The following MMP16 variants were observed in gnomAD, a reference collection of about 807,000 sequenced individuals.
MMP16 encodes matrix metallopeptidase 16.
MMP16 carries 12 observed loss-of-function variants against 67.8 expected under a neutral mutation model. The ratio of observed to expected loss-of-function variants is 0.18; its 90% CI spans 0.11 to 0.29. The LOEUF (loss-of-function observed/expected upper bound fraction) is 0.29, where lower values mean the gene tolerates loss of function less well. MMP16 is among the 10% of genes least tolerant of loss of function. The pLI is 1.00. For missense variants in MMP16, 475 were observed against 765.7 expected (o/e 0.62, Z 4.48); for synonymous variants, 249 against 255.9 (o/e 0.97, Z 0.26).
chr8:88,123,979 T>C (rs1807884547), intron 4 of MMP16, among the ~76,000 whole-genome samples: 1 of 151,928 alleles, frequency 6.6e-6, no homozygotes, highest in Non-Finnish European at 1.5e-5. Context: ...CCCTCAGTCC[T>C]TTCTCTAAAT....
intron 1 of MMP16, among the ~76,000 whole-genome samples, chr8:88,270,288 A>G (rs1810545065): frequency 3.9e-5 from 6 of 152,218 alleles, no homozygotes. Flanking sequence ...AAATCTTGAT[A>G]CTACAATCCC....
intron 1 of MMP16, among the ~76,000 whole-genome samples, chr8:88,237,312 T>A (rs566424253): frequency 1.3e-5 from 2 of 152,310 alleles, no homozygotes; most frequent in South Asian, 4.1e-4. Context: ...TAGGCTTAAG[T>A]AACAAGGCTG....
chr8:88,151,068 CTCTGATAA>C (rs1808397426), intron 4 of MMP16, among the ~76,000 whole-genome samples: 2 of 126,188 alleles, frequency 1.6e-5, no homozygotes, highest in South Asian at 6.1e-4. Flanking sequence ...CAATCCTAGT[CTCTGATAA>C]AACAGACTTT....
intron 1 of MMP16, among the ~76,000 whole-genome samples, chr8:88,248,802 A>AAG (rs1472263638): frequency 6.6e-6 from 1 of 151,992 alleles, no homozygotes; most frequent in Admixed American, 6.6e-5. Flanking sequence ...AAAAAAAAAA[A>AAG]AAAAAATTAC....
At chr8:88,274,314 A>G (rs1184764517) in intron 1 of MMP16, among the ~76,000 whole-genome samples, 2 of 152,136 alleles carry the variant, frequency 1.3e-5, no homozygotes, top group Non-Finnish European at 2.9e-5. Context: ...CTTCTAAGGG[A>G]GGGATTATAA....
At chr8:88,183,481 A>G (rs1809015190) in intron 3 of MMP16, among the ~76,000 whole-genome samples, 2 of 152,294 alleles carry the variant, frequency 1.3e-5, no homozygotes, top group South Asian at 2.1e-4. Flanking sequence ...ATAGAAATTT[A>G]TATAATCTGA....
chr8:88,095,372 G>A (rs976779305), intron 6 of MMP16, among the ~76,000 whole-genome samples: 7 of 151,482 alleles, frequency 4.6e-5, no homozygotes, highest in Admixed American at 2.0e-4. Flanking sequence ...TTTTGACTCC[G>A]ATCTCTGACT....
rs186911930 is a variant in MMP16 at position 88,095,350 on chromosome 8, C to T, written c.1084-20607G>A. 6.4e-4 allele frequency among the ~76,000 whole-genome samples: 97 copies of T among 151,604 alleles called. 1 individual carries two copies. The highest frequency in any genetic ancestry group is 5.6e-3 in the Admixed American group (85 of 15,180). ...TGGCATGTTAGAAAGTACTAAGAGT[C>T]CTGGATTCTGGTTTTGACTCCGATC... On this transcript the variant is annotated intron_variant, in intron 6 of 9. Coordinates refer to ENST00000286614, the MANE Select transcript of MMP16 (RefSeq NM_005941.5).
intron 1 of MMP16, among the ~76,000 whole-genome samples, chr8:88,292,303 G>T (rs1810937928): frequency 6.6e-6 from 1 of 151,856 alleles, no homozygotes; most frequent in Non-Finnish European, 1.5e-5. Flanking sequence ...ATCAATTGTG[G>T]GATTATGGAT....
chr8:88,131,051 G>T (rs1465789138), intron 4 of MMP16, among the ~76,000 whole-genome samples: 1 of 151,602 alleles, frequency 6.6e-6, no homozygotes, highest in South Asian at 2.1e-4. Context: ...TTTACTAAAG[G>T]ATAATAGCAA....
At chr8:88,070,699 G>A (rs567501692) in intron 7 of MMP16, among the ~76,000 whole-genome samples, 12 of 152,120 alleles carry the variant, frequency 7.9e-5, no homozygotes, top group African/African-American at 2.2e-4. Flanking sequence ...GTTCCCCTAC[G>A]TTGTGCCGCA....
intron 4 of MMP16, among the ~76,000 whole-genome samples, chr8:88,156,848 A>G (rs1808517887): frequency 6.6e-6 from 1 of 152,152 alleles, no homozygotes; most frequent in Admixed American, 6.6e-5. Context: ...TTCTACAGAG[A>G]CTATGTAAGA....
At chr8:88,198,683 G>A (rs1809294455) in intron 1 of MMP16, among the ~76,000 whole-genome samples, 1 of 151,618 alleles carries the variant, frequency 6.6e-6, no homozygotes, top group African/African-American at 2.4e-5. Flanking sequence ...CAAAAGAACA[G>A]TACCATAAGC....
At chr8:88,113,591 T>C (rs1809378151) in intron 6 of MMP16, among the ~76,000 whole-genome samples, 1 of 151,832 alleles carries the variant, frequency 6.6e-6, no homozygotes, top group Admixed American at 6.6e-5. Context: ...TATGGGGTAA[T>C]GACATTAATT....
At chr8:88,158,168 G>A (rs559061302) in intron 4 of MMP16, among the ~76,000 whole-genome samples, 2 of 152,118 alleles carry the variant, frequency 1.3e-5, no homozygotes, top group Admixed American at 6.5e-5. Context: ...ATGATTTATA[G>A]TCCTTTGGGT....
intron 1 of MMP16, among the ~76,000 whole-genome samples, chr8:88,289,286 T>C (rs569324275): frequency 9.1e-4 from 138 of 152,290 alleles, no homozygotes; most frequent in African/African-American, 3.0e-3. Context: ...CAGACATTTT[T>C]GTTATCATCT....
chr8:88,106,167 A>C lies in MMP16; in HGVS notation c.1083+10340T>G, dbSNP rs1809237688. Among the ~76,000 whole-genome samples, 9 of 150,918 alleles carry C rather than the reference A, an allele frequency of 6.0e-5. No individual in the cohort carries two copies. In the South Asian group the frequency reaches 1.9e-3, roughly 31 times the overall value. ...ATACATCACCACCCCAGAGACACTC[A>C]GTGTTTTCAGTTTCTTGTATCCCTT... On this transcript the variant is annotated intron_variant, in intron 6 of 9. Coordinates refer to ENST00000286614, the MANE Select transcript of MMP16 (RefSeq NM_005941.5).
chr8:88,092,872 C>T (rs998190508), intron 6 of MMP16, among the ~76,000 whole-genome samples: 1 of 151,710 alleles, frequency 6.6e-6, no homozygotes, highest in African/African-American at 2.4e-5. Context: ...AAAAGTTAGC[C>T]TTTAATGGAT....
rs750701864 is a variant in MMP16 at position 88,036,655 on chromosome 8, G to A, written c.*4806C>T. 1.6e-4 allele frequency: 24 copies of A among 151,702 alleles called. No homozygotes were observed. The highest frequency in any genetic ancestry group is 3.5e-4 in the Non-Finnish European group (24 of 67,788). 9.4% of individuals were successfully genotyped at this position (151,702 alleles called of 1,614,324 possible). A position where few individuals can be genotyped will look rare whatever the true frequency, so the allele number is the denominator to read the frequency against. On this transcript the variant is annotated 3_prime_UTR_variant, in exon 10 of 10. Coordinates refer to ENST00000286614, the MANE Select transcript of MMP16 (RefSeq NM_005941.5). ...ACATGAAGGTACATGAAATACAGCC[G>A]AATGATTAGATCCTCTTATATGATT...
Sources: allele counts gnomAD v4.1 joint callset (sites outside exome capture counted in the v4.1 genomes callset), GRCh38; gene constraint gnomAD v4.1.1; transcripts MANE v1.5; gene names NCBI Gene and HGNC (gene_info 2026-07-23, HGNC 2026-07-21).